PDE7B: variants seen among roughly 807,000 people sequenced by gnomAD.
PDE7B encodes the protein 3',5'-cyclic-AMP phosphodiesterase 7B.
PDE7B carries 29 observed loss-of-function variants against 56.2 expected under a neutral mutation model. That is an observed-to-expected ratio of 0.52 (90% CI 0.38 to 0.70). PDE7B has a LOEUF of 0.70. PDE7B is among the 30% of genes least tolerant of loss of function. PDE7B has a pLI of 0.00. For synonymous variants in PDE7B, 197 were observed against 196.9 expected, an observed-to-expected ratio of 1.00 and a Z score of 0.00; for missense variants, 490 against 565.0, an observed-to-expected ratio of 0.87 and a Z score of 1.35.
chr6:136,120,289 C>T (rs1467750121), intron 3 of PDE7B, among the ~76,000 whole-genome samples: 1 of 152,162 alleles, frequency 6.6e-6, no homozygotes, highest in Non-Finnish European at 1.5e-5. Context: ...CCTACAATGC[C>T]TGCAGCATTG....
At chr6:136,186,230 A>T (rs541828052) in intron 11 of PDE7B, among the ~76,000 whole-genome samples, 117 of 152,182 alleles carry the variant, frequency 7.7e-4, no homozygotes, top group African/African-American at 2.7e-3. Context: ...AGTCTGGACA[A>T]CATAGCGAGA....
intron 12 of PDE7B, among the ~76,000 whole-genome samples, chr6:136,188,256 T>G (rs901108608): frequency 1.4e-5 from 2 of 138,568 alleles, no homozygotes; most frequent in African/African-American, 7.0e-5. Flanking sequence ...TATGTTCGAT[T>G]ATTGAGCATT....
intron 2 of PDE7B, among the ~76,000 whole-genome samples, chr6:136,074,317 G>A (rs918905412): frequency 6.6e-6 from 1 of 151,732 alleles, no homozygotes; most frequent in Non-Finnish European, 1.5e-5. Context: ...ACATAGTAAG[G>A]GTATATATTT....
At position 136,024,837 on chromosome 6, in the gene PDE7B, C is replaced by A. The variant is rs182021122; in HGVS notation, c.82+77313C>A. 2.3e-4 allele frequency among the ~76,000 whole-genome samples: 35 copies of A among 152,266 alleles called. No homozygotes were observed. The East Asian group carries it at 3.9e-3, about 17-fold the overall frequency. ...AGAAAAAGCCCCCAAGAAATGCCAA[C>A]TGGAAGATGGAAGTGGGAGGTTTGA... On this transcript the variant is annotated intron_variant, in intron 2 of 12. Transcript: ENST00000308191.
chr6:135,880,669 T>A (rs1433757947), intron 1 of PDE7B, among the ~76,000 whole-genome samples: 3 of 152,216 alleles, frequency 2.0e-5, no homozygotes, highest in Middle Eastern at 3.2e-3. Flanking sequence ...TTGGAGCTGA[T>A]CTTCCACTGG....
chr6:135,935,196 A>ATATATATATTTT lies in PDE7B; in HGVS notation c.22-12259_22-12258insTTTTATATATAT, dbSNP rs1554268038. Among the ~76,000 whole-genome samples the ATATATATATTTT allele has an allele frequency of 1.9e-3, 152 of 79,418 alleles. 28 individuals carry two copies. In the East Asian group the frequency reaches 0.038, roughly 20 times the overall value. The allele number at this position is 79,418 out of a possible 152,430, so 52.1% of individuals were successfully genotyped here. ...TTTATATATATATATTTATTTATAT[A>ATATATATATTTT]TATATATATATATATATATATTTTC... On this transcript the variant is annotated intron_variant, in intron 1 of 12. Coordinates refer to ENST00000308191, the MANE Select transcript of PDE7B (RefSeq NM_018945.4).
rs1418654376 is a variant in PDE7B at position 136,195,032 on chromosome 6, G to A, written c.*3192G>A. The A allele has an allele frequency of 2.0e-5, 3 of 152,176 alleles. No individual in the cohort carries two copies. Among genetic ancestry groups the A allele is most frequent in the Admixed American group, 2.0e-4 (3 of 15,276 alleles). The allele number at this position is 152,176 out of a possible 1,614,324, so 9.4% of individuals were successfully genotyped here. On this transcript the variant is annotated 3_prime_UTR_variant, in exon 13 of 13. Coordinates refer to ENST00000308191, the MANE Select transcript of PDE7B (RefSeq NM_018945.4). The stretch of plus-strand genomic sequence containing the variant: ...TTGCTTGAGAAGAAAGGAATCAAAG[G>A]ACTGTGTGTAGTAAGCTGACGGTAA...
chr6:136,052,617 G>GCCCCCCCCCCCCCCCCC (rs11400308), intron 2 of PDE7B, among the ~76,000 whole-genome samples: 12 of 142,744 alleles, frequency 8.4e-5, no homozygotes, highest in African/African-American at 1.9e-4. Context: ...TTAGGGTACA[G>GCCCCCCCCCCCCCCCCC]CCCCCCCCCA....
chr6:136,097,732 T>C (rs1427625392), intron 2 of PDE7B, among the ~76,000 whole-genome samples: 2 of 152,172 alleles, frequency 1.3e-5, no homozygotes, highest in African/African-American at 4.8e-5. Flanking sequence ...TTTTAGAGCC[T>C]ATCCTACAAA....
At chr6:136,020,758 A>G (rs778563983) in intron 2 of PDE7B, among the ~76,000 whole-genome samples, 10 of 151,818 alleles carry the variant, frequency 6.6e-5, no homozygotes, top group Non-Finnish European at 1.3e-4. Context: ...TTCTAGTGAA[A>G]TAATTATCTT....
intron 1 of PDE7B, among the ~76,000 whole-genome samples, chr6:135,910,940 C>T (rs1198096668): frequency 6.6e-6 from 1 of 152,102 alleles, no homozygotes; most frequent in Non-Finnish European, 1.5e-5. Flanking sequence ...CATGATTAAC[C>T]TACATTCTGG....
intron 2 of PDE7B, among the ~76,000 whole-genome samples, chr6:135,971,197 C>A (rs1775087586): frequency 6.6e-6 from 1 of 152,090 alleles, no homozygotes. Flanking sequence ...AATTTGGATA[C>A]ACAGACACAC....
intron 2 of PDE7B, among the ~76,000 whole-genome samples, chr6:135,987,013 T>C (rs1347181461): frequency 2.0e-5 from 3 of 152,218 alleles, no homozygotes; most frequent in Non-Finnish European, 1.5e-5. Context: ...TCCTGTCAAC[T>C]TTCTAGCTTT....
intron 1 of PDE7B, among the ~76,000 whole-genome samples, chr6:135,932,966 G>A (rs139044040): frequency 1.8e-3 from 276 of 152,298 alleles, no homozygotes; most frequent in African/African-American, 6.3e-3. Context: ...TAGATGGCAT[G>A]GAGTATGCAC....
intron 6 of PDE7B, 116 bp downstream of exon 6, chr6:136,151,371 T>C (rs928310246): frequency 2.4e-5 from 14 of 579,036 alleles, no homozygotes; most frequent in African/African-American, 3.7e-5. Flanking sequence ...CTCCAATTAA[T>C]CTTAAATGGT....
At chr6:135,867,638 G>GT (rs1445809594) in intron 1 of PDE7B, among the ~76,000 whole-genome samples, 1 of 152,094 alleles carries the variant, frequency 6.6e-6, no homozygotes. Flanking sequence ...TAAATGGTAA[G>GT]TTTTATGAAA....
chr6:136,178,920 A>G lies in PDE7B; in HGVS notation c.804-77A>G, dbSNP rs555336866. On this transcript the variant is annotated intron_variant, in intron 9 of 12. Coordinates refer to ENST00000308191, the MANE Select transcript of PDE7B (RefSeq NM_018945.4). ...CAGAAATTAGATTACAAGCCACCTGATGATGATAAAATCAATCACCCTCAT... is the reference window on the plus strand; with the variant it reads ...CAGAAATTAGATTACAAGCCACCTGGTGATGATAAAATCAATCACCCTCAT... 4.6e-4 allele frequency: 678 copies of G among 1,459,158 alleles called. 5 individuals carry two copies. The highest frequency in any genetic ancestry group is 5.5e-4 in the Non-Finnish European group (573 of 1,045,476). 90.4% of individuals were successfully genotyped at this position (1,459,158 alleles called of 1,614,324 possible).
intron 1 of PDE7B, among the ~76,000 whole-genome samples, chr6:135,932,279 A>G (rs1419860657): frequency 6.6e-6 from 1 of 152,096 alleles, no homozygotes; most frequent in Non-Finnish European, 1.5e-5. Context: ...TTACTCAACT[A>G]TACATTTTTA....
At position 136,191,702 on chromosome 6, in the gene PDE7B, C is replaced by A. The variant is rs555245504; in HGVS notation, c.1215C>A (p.His405Gln). Residue 405 changes from histidine (H) to glutamine (Q), a missense_variant, in exon 13 of 13, where the codon CAC becomes CAA. Physicochemically the swap from His to Gln is conservative, Grantham distance 24. Coordinates refer to ENST00000308191, the MANE Select transcript of PDE7B (RefSeq NM_018945.4). ...NSTLSENMLG[H>Q]LAHNKAQWKS... ...CCCTGTCGGAGAACATGCTGGGCCA[C>A]CTCGCACACAACAAGGCCCAGTGGA... The A allele has an allele frequency of 1.2e-6, 2 of 1,613,522 alleles. No individual in the cohort carries two copies. The highest frequency in any genetic ancestry group is 2.2e-5 in the South Asian group (2 of 90,926).
Sources: gnomAD v4.1 joint callset for allele counts (sites outside exome capture counted in the v4.1 genomes callset) on GRCh38, gnomAD v4.1.1 for gene constraint, MANE v1.5 for transcripts, NCBI Gene and HGNC (gene_info 2026-07-23, HGNC 2026-07-21) for gene names.